SYN2: variants seen among roughly 807,000 people sequenced by gnomAD.
SYN2 encodes the protein synapsin-2.
Under a neutral mutation model 50.9 loss-of-function variants are expected in SYN2, and 19 were observed. The ratio of observed to expected loss-of-function variants is 0.37; its 90% CI spans 0.26 to 0.55. SYN2 has a LOEUF of 0.55. Among genes scored for constraint, SYN2 ranks in the 20% least tolerant of loss-of-function variants. The pLI is 0.81. For missense variants in SYN2, 587 were observed against 576.4 expected (o/e 1.02, Z -0.19); for synonymous variants, 255 against 224.9 (o/e 1.13, Z -1.20).
At chr3:12,048,839 C>T (rs1694795850) in intron 1 of SYN2, among the ~76,000 whole-genome samples, 1 of 152,190 alleles carries the variant, frequency 6.6e-6, no homozygotes, top group African/African-American at 2.4e-5. Flanking sequence ...TTGTCCAATT[C>T]TGGACCCCTG....
At chr3:12,157,488 T>A (rs1198810807) in intron 5 of SYN2, 1 of 1,613,956 alleles carries the variant, frequency 6.2e-7, no homozygotes, top group Admixed American at 1.7e-5. Context: ...AATCACTGCA[T>A]AGGAAGAGAA....
intron 11 of SYN2, chr3:12,184,477 C>G (rs1254489568): frequency 1.0e-6 from 1 of 985,734 alleles, no homozygotes; most frequent in Non-Finnish European, 1.2e-6. Flanking sequence ...CTCCTGAGGC[C>G]TCATAATGGG....
chr3:12,062,247 C>T (rs1695127655), intron 1 of SYN2, among the ~76,000 whole-genome samples: 1 of 151,906 alleles, frequency 6.6e-6, no homozygotes, highest in South Asian at 2.1e-4. Context: ...TGATCTTTGA[C>T]AAAGGAGCAA....
At chr3:12,018,124 C>T (rs1012207792) in intron 1 of SYN2, among the ~76,000 whole-genome samples, 22 of 152,098 alleles carry the variant, frequency 1.4e-4, no homozygotes, top group Non-Finnish European at 1.8e-4. Flanking sequence ...GTGATAGAGT[C>T]GGGACTAGAA....
At chr3:12,161,829 G>A in intron 6 of SYN2, 183 bp from the exon 7 acceptor site, 3 of 1,010,036 alleles carry the variant, frequency 3.0e-6, no homozygotes, top group Non-Finnish European at 4.3e-6. Flanking sequence ...TGCAGCAAGT[G>A]TGGCCCTTGA....
chr3:12,102,948 A>C (rs1047276456), intron 1 of SYN2, among the ~76,000 whole-genome samples: 2 of 152,180 alleles, frequency 1.3e-5, no homozygotes, highest in African/African-American at 4.8e-5. Context: ...AGATAAAATA[A>C]CTGACAACCC....
At chr3:12,028,403 G>T (rs1265648320) in intron 1 of SYN2, among the ~76,000 whole-genome samples, 4 of 146,826 alleles carry the variant, frequency 2.7e-5, no homozygotes, top group African/African-American at 1.0e-4. Flanking sequence ...TAATGGGATG[G>T]CTGGGTCAAA....
intron 10 of SYN2, among the ~76,000 whole-genome samples, chr3:12,179,638 C>T (rs550747416): frequency 6.6e-6 from 1 of 152,218 alleles, no homozygotes; most frequent in Non-Finnish European, 1.5e-5. Flanking sequence ...ATTTGGGAAA[C>T]TGTGACTCAG....
At chr3:12,106,272 G>A (rs866900374) in intron 1 of SYN2, among the ~76,000 whole-genome samples, 11 of 152,046 alleles carry the variant, frequency 7.2e-5, no homozygotes, top group Non-Finnish European at 1.3e-4. Context: ...TTCCTCTTCC[G>A]TCTCCAGCTG....
In SYN2 at chr3:12,077,299, C is replaced by T. The variant is rs984121435; in HGVS notation, c.378-63352C>T. ...TCAAACCTTGCATAGAATTTTTTTCCTTTTTTTTTAAAAAAAAATTATTTT... is the reference window on the plus strand; with the variant it reads ...TCAAACCTTGCATAGAATTTTTTTCTTTTTTTTTTAAAAAAAAATTATTTT... On this transcript the variant is annotated intron_variant, in intron 1 of 12. Transcript: ENST00000621198. Among the ~76,000 whole-genome samples the T allele has an allele frequency of 1.9e-4, 28 of 151,134 alleles. No homozygotes were observed. The East Asian group carries it at 2.7e-3, about 15-fold the overall frequency.
chr3:12,035,072 C>T (rs377140594), intron 1 of SYN2, among the ~76,000 whole-genome samples: 2 of 152,152 alleles, frequency 1.3e-5, no homozygotes, highest in East Asian at 1.9e-4. Flanking sequence ...ATAGGATAGA[C>T]GTTCCTATTA....
At chr3:12,109,367 A>G (rs534128634) in intron 1 of SYN2, among the ~76,000 whole-genome samples, 1 of 152,340 alleles carries the variant, frequency 6.6e-6, no homozygotes, top group African/African-American at 2.4e-5. Flanking sequence ...GAAGATTACA[A>G]AAGTCAAAGT....
chr3:12,092,214 TC>T (rs1409951025), intron 1 of SYN2, among the ~76,000 whole-genome samples: 2 of 152,204 alleles, frequency 1.3e-5, no homozygotes, highest in African/African-American at 4.8e-5. Flanking sequence ...ATATTTTAAT[TC>T]CTTCACTATT....
At position 12,147,747 on chromosome 3, in the gene SYN2, T is replaced by C. The variant is rs556820185; in HGVS notation, c.684+1912T>C. ...TGCCCCAGTTTCTTCATCTACAAAC[T>C]GGGAATAATAGTAGCACCTGCCACC... On this transcript the variant is annotated intron_variant, in intron 4 of 12. Transcript: ENST00000621198. 2.6e-5 allele frequency among the ~76,000 whole-genome samples: 4 copies of C among 152,258 alleles called. No homozygotes were observed. In the East Asian group the frequency reaches 7.7e-4, roughly 29 times the overall value.
chr3:12,162,243 G>T, intron 7 of SYN2, 89 bp downstream of exon 7: 2 of 1,508,444 alleles, frequency 1.3e-6, no homozygotes, highest in Non-Finnish European at 1.8e-6. Flanking sequence ...AACAGAGAGG[G>T]TGCCACTTAA....
intron 1 of SYN2, among the ~76,000 whole-genome samples, chr3:12,022,930 A>C (rs1694174834): frequency 6.6e-6 from 1 of 151,904 alleles, no homozygotes; most frequent in South Asian, 2.1e-4. Context: ...ATATGAGAGC[A>C]ACACCCTGCA....
In SYN2 at chr3:12,126,938, G is replaced by C. The variant is rs529293856; in HGVS notation, c.378-13713G>C. On this transcript the variant is annotated intron_variant, in intron 1 of 12. Transcript: ENST00000621198. ...CTTCTTTGTTTTAGAGCAGGGTAAA[G>C]TCTTTCCTTCCCCTTCCCCCTACCA... is the stretch of plus-strand genomic sequence containing the variant. 4.6e-5 allele frequency among the ~76,000 whole-genome samples: 7 copies of C among 152,312 alleles called. No individual in the cohort carries two copies. The South Asian group carries it at 1.4e-3, about 32-fold the overall frequency.
intron 1 of SYN2, among the ~76,000 whole-genome samples, chr3:12,097,456 A>T (rs379917): frequency 2.0e-5 from 3 of 151,736 alleles, no homozygotes; most frequent in Non-Finnish European, 2.9e-5. Context: ...AATACAAAAA[A>T]TTGGCCGGGT....
chr3:12,120,671 C>T (rs1696536569), intron 1 of SYN2, among the ~76,000 whole-genome samples: 1 of 152,192 alleles, frequency 6.6e-6, no homozygotes, highest in Non-Finnish European at 1.5e-5. Flanking sequence ...TCATTAGCTT[C>T]TGTTTTTCAC....
Sources: gnomAD v4.1 joint callset for allele counts (sites outside exome capture counted in the v4.1 genomes callset) on GRCh38, gnomAD v4.1.1 for gene constraint, MANE v1.5 for transcripts, NCBI Gene and HGNC (gene_info 2026-07-23, HGNC 2026-07-21) for gene names.